The following AKT2 variants were observed in gnomAD, a reference collection of about 807,000 sequenced individuals.
AKT2 encodes the protein RAC-beta serine/threonine-protein kinase.
In AKT2, 16 loss-of-function variants were observed where a neutral mutation model predicts 58.6. That is an observed-to-expected ratio of 0.27 (90% CI 0.18 to 0.41). The LOEUF is 0.41. Ranked by LOEUF, AKT2 falls within the 10% of genes least tolerant of loss-of-function variation. The probability of loss-of-function intolerance (pLI) is 1.00; values close to 1 mark genes in which losing one functional copy is unlikely to be tolerated. For missense variants in AKT2, 438 were observed against 661.0 expected, an observed-to-expected ratio of 0.66 and a Z score of 3.70; for synonymous variants, 253 against 254.0, an observed-to-expected ratio of 1.00 and a Z score of 0.04.
At chr19:40,275,079 G>T (rs1410576779) in intron 1 of AKT2, 1 of 456,750 alleles carries the variant, frequency 2.2e-6, no homozygotes, top group East Asian at 7.0e-5. Flanking sequence ...GAAAACCGAG[G>T]ATGGGAGAGA....
At chr19:40,283,256 A>C (rs1012592750) in intron 1 of AKT2, 1 of 152,302 alleles carries the variant, frequency 6.6e-6, no homozygotes, top group Non-Finnish European at 1.5e-5. Context: ...ATCTATATGA[A>C]GCATTCCAAA....
intron 1 of AKT2, among the ~76,000 whole-genome samples, chr19:40,272,467 A>G (rs1225356986): frequency 6.6e-6 from 1 of 152,204 alleles, no homozygotes; most frequent in Non-Finnish European, 1.5e-5. Flanking sequence ...TGACACTGGG[A>G]CCATCAGCAT....
chr19:40,278,448 G>C (rs999558701), intron 1 of AKT2, among the ~76,000 whole-genome samples: 1 of 152,086 alleles, frequency 6.6e-6, no homozygotes, highest in East Asian at 1.9e-4. Flanking sequence ...GTGGCTTCCT[G>C]GGCCTCAGTT....
intron 4 of AKT2, among the ~76,000 whole-genome samples, chr19:40,246,376 G>C (rs573236153): frequency 6.6e-6 from 1 of 152,182 alleles, no homozygotes; most frequent in East Asian, 1.9e-4. Context: ...TGCCTGCCTC[G>C]GTCTCCCCAA....
chr19:40,257,232 G>A (rs375715032), intron 2 of AKT2, among the ~76,000 whole-genome samples, 178 bp from the exon 3 acceptor site: 129 of 152,324 alleles, frequency 8.5e-4, no homozygotes, highest in Non-Finnish European at 4.0e-4. Context: ...CCCTGCTGAC[G>A]CAGGCTGGGG....
chr19:40,285,279 A>ACGGCGCCGGCAGCGGCAGCGGCGG lies in AKT2; in HGVS notation c.-207_-184dup. ...TTCCTTGTGTTTCCCGGCAGCGGCA[A>ACGGCGCCGGCAGCGGCAGCGGCGG]CGGCGCCGGCAGCGGCAGCGGCGGC... On this transcript the variant is annotated 5_prime_UTR_variant, in exon 1 of 14. Transcript: ENST00000392038. 2.5e-6 allele frequency: 1 copy of ACGGCGCCGGCAGCGGCAGCGGCGG among 394,846 alleles called. No homozygotes were observed. The highest frequency in any genetic ancestry group is 4.5e-6 in the Non-Finnish European group (1 of 223,856). The allele number at this position is 394,846 out of a possible 1,614,324, so 24.5% of individuals were successfully genotyped here.
In AKT2 at chr19:40,237,768, A is replaced by G. The variant is rs998008128; in HGVS notation, c.831+201T>C. 2.8e-6 allele frequency: 2 copies of G among 722,400 alleles called. No individual in the cohort carries two copies. Among genetic ancestry groups the G allele is most frequent in the East Asian group, 3.0e-5 (1 of 33,032 alleles). 44.7% of individuals were successfully genotyped at this position (722,400 alleles called of 1,614,324 possible). ...ACTTGCCACAGAGCCACCACCCTGG[A>G]CCTTGGTGGGGAGCCTGGTGAATGA... On this transcript the variant is annotated intron_variant, in intron 9 of 13. Coordinates refer to ENST00000392038, the MANE Select transcript of AKT2 (RefSeq NM_001626.6). This position sits in a 1 kb window ranked among gnomAD's most constrained non-coding sequence, Gnocchi z 4.5.
intron 1 of AKT2, among the ~76,000 whole-genome samples, chr19:40,269,957 G>A (rs775283153): frequency 2.3e-4 from 35 of 152,064 alleles, no homozygotes; most frequent in Non-Finnish European, 2.6e-4. Context: ...GACCCTACGC[G>A]GCCTGCAACA....
Position 40,238,114 on chromosome 19 carries a change from G to A in AKT2, c.709-23C>T, listed in dbSNP as rs781328562. 3.8e-6 allele frequency: 6 copies of A among 1,578,650 alleles called. No homozygotes were observed. Among genetic ancestry groups the A allele is most frequent in the Admixed American group, 1.9e-5 (1 of 53,634 alleles). The stretch of plus-strand genomic sequence containing the variant: ...CAGCTGCAGGAGGAAGGGGTGGGGA[G>A]AGGAGGTCAGGCCCCAGCCCACCCA... On this transcript the variant is annotated intron_variant, in intron 8 of 13. Transcript: ENST00000392038. The surrounding 1 kb of genome is among the most constrained non-coding windows in gnomAD (Gnocchi z 5.1).
rs1214121971 is a variant in AKT2 at position 40,238,103 on chromosome 19, A to G, written c.709-12T>C. 6.3e-7 allele frequency: 1 copy of G among 1,587,046 alleles called. No homozygotes were observed. Among genetic ancestry groups the G allele is most frequent in the South Asian group, 1.1e-5 (1 of 87,418 alleles). On this transcript the variant is annotated splice_polypyrimidine_tract_variant and intron_variant, in intron 8 of 13. Transcript: ENST00000392038. This position sits in a 1 kb window ranked among gnomAD's most constrained non-coding sequence, Gnocchi z 5.1. ...AGGTGGAAGAACAGCTGCAGGAGGA[A>G]GGGGTGGGGAGAGGAGGTCAGGCCC...
chr19:40,239,104 G>A, intron 7 of AKT2, 131 bp from the exon 8 acceptor site: 1 of 797,246 alleles, frequency 1.3e-6, no homozygotes, highest in Non-Finnish European at 2.0e-6. Flanking sequence ...CCAGGAGTCA[G>A]CCATATGGGG....
chr19:40,231,685 G>T lies in AKT2; in HGVS notation c.*2187C>A, dbSNP rs530527981. On this transcript the variant is annotated 3_prime_UTR_variant, in exon 14 of 14. Transcript: ENST00000392038. ...GGGGGAGGTGTTCCATCCGGCCAGC[G>T]CCCGGCCATGCAGCCACGTGACTCA... 3.4e-5 allele frequency: 8 copies of T among 233,358 alleles called. No individual in the cohort carries two copies. The highest frequency in any genetic ancestry group is 5.9e-5 in the Non-Finnish European group (7 of 118,200). The allele number at this position is 233,358 out of a possible 1,614,324, so 14.5% of individuals were successfully genotyped here.
chr19:40,252,221 A>C (rs1458583711), intron 4 of AKT2, among the ~76,000 whole-genome samples: 1 of 152,202 alleles, frequency 6.6e-6, no homozygotes, highest in Non-Finnish European at 1.5e-5. Flanking sequence ...CCAGGAGCAG[A>C]GTGGAGGGGG....
intron 4 of AKT2, among the ~76,000 whole-genome samples, chr19:40,244,870 G>A (rs557138838): frequency 1.3e-5 from 2 of 152,328 alleles, no homozygotes; most frequent in African/African-American, 4.8e-5. Flanking sequence ...TCCAAGCCGG[G>A]ACACCCTGCT....
chr19:40,242,651 G>A lies in AKT2; in HGVS notation c.324C>T (p.Asn108=), dbSNP rs1472218267. The A allele has an allele frequency of 6.2e-7, 1 of 1,612,862 alleles. No homozygotes were observed. Among genetic ancestry groups the A allele is most frequent in the East Asian group, 2.2e-5 (1 of 44,872 alleles). Residue 108 remains asparagine, a synonymous_variant, in exon 5 of 14, where the codon AAC becomes AAT. Coordinates refer to ENST00000392038, the MANE Select transcript of AKT2 (RefSeq NM_001626.6). The surrounding 1 kb of genome is among the most constrained non-coding windows in gnomAD (Gnocchi z 4.3). ...EWMRAIQMVA[N]SLKQRAPGED... ...CGCCTGGGGCCCGCTGCTTGAGGCT[G>A]TTGGCGACCATCTGGATGGCCCGCA...
Position 40,233,956 on chromosome 19 carries a change from G to T in AKT2, c.1367-5C>A. ...CCAGTAAGCCCAGGCTGTCATCTGTGGGCGGCAGAGGTGGATGGGGAGGAC... is the reference window on the plus strand; with the variant it reads ...CCAGTAAGCCCAGGCTGTCATCTGTTGGCGGCAGAGGTGGATGGGGAGGAC... On this transcript the variant is annotated splice_region_variant and splice_polypyrimidine_tract_variant and intron_variant, in intron 13 of 13. Coordinates refer to ENST00000392038, the MANE Select transcript of AKT2 (RefSeq NM_001626.6). This position sits in a 1 kb window ranked among gnomAD's most constrained non-coding sequence, Gnocchi z 4.3. The T allele has an allele frequency of 6.2e-7, 1 of 1,609,976 alleles. No homozygotes were observed.
Position 40,235,320 on chromosome 19 carries a change from C to G in AKT2, c.1206G>C (p.Glu402Asp). 1 of 1,614,008 alleles carries G rather than the reference C, an allele frequency of 6.2e-7. No homozygotes were observed. Among genetic ancestry groups the G allele is most frequent in the Non-Finnish European group, 8.5e-7 (1 of 1,180,030 alleles). Reference protein sequence around the residue: ...RLGGGPSDAKEVMEHRFFLSI... With the variant: ...RLGGGPSDAKDVMEHRFFLSI... ...TGAGGAAGAACCTGTGCTCCATGAC[C>G]TCCTTGGCATCGCTGGGCCCCCCAC... Residue 402 changes from glutamate to aspartate, a missense_variant, in exon 12 of 14, where the codon GAG becomes GAC. Physicochemically the swap from Glu to Asp is conservative, Grantham distance 45 (BLOSUM62 2). Coordinates refer to ENST00000392038, the MANE Select transcript of AKT2 (RefSeq NM_001626.6). The surrounding 1 kb of genome is among the most constrained non-coding windows in gnomAD (Gnocchi z 6.3).
At chr19:40,267,280 G>A (rs1029606601) in intron 1 of AKT2, among the ~76,000 whole-genome samples, 8 of 152,174 alleles carry the variant, frequency 5.3e-5, no homozygotes, top group Non-Finnish European at 1.0e-4. Context: ...CGCCTCTGCT[G>A]CCCTGCGTTC....
At chr19:40,268,033 C>T (rs529397516) in intron 1 of AKT2, among the ~76,000 whole-genome samples, 4 of 152,180 alleles carry the variant, frequency 2.6e-5, no homozygotes, top group African/African-American at 9.6e-5. Flanking sequence ...AGGAGAAACA[C>T]GAGAGAGGTG....
Sources: allele counts gnomAD v4.1 joint callset (sites outside exome capture counted in the v4.1 genomes callset), GRCh38; gene constraint gnomAD v4.1.1; non-coding constraint Gnocchi (gnomAD v3.1); transcripts MANE v1.5; gene names NCBI Gene and HGNC (gene_info 2026-07-23, HGNC 2026-07-21).